NODAL: variants seen among roughly 807,000 people sequenced by gnomAD.
NODAL encodes the protein nodal growth differentiation factor.
In NODAL, 12 loss-of-function variants were observed where a neutral mutation model predicts 34.0. That is an observed-to-expected ratio of 0.35 (90% confidence interval 0.23 to 0.57). The LOEUF is 0.57. Ranked by LOEUF, NODAL falls within the 20% of genes least tolerant of loss-of-function variation. The pLI is 0.83. For synonymous variants in NODAL, 162 were observed against 186.4 expected (o/e 0.87, Z 1.07); for missense variants, 390 against 444.2 (o/e 0.88, Z 1.10).
intron 1 of NODAL, among the ~76,000 whole-genome samples, chr10:70,439,053 C>G (rs1017029746): frequency 4.6e-5 from 7 of 152,036 alleles, no homozygotes; most frequent in Admixed American, 3.9e-4. Flanking sequence ...TGGCCAGGCT[C>G]GAGTGCAGTG....
chr10:70,434,986 A>C, intron 2 of NODAL: 1 of 389,694 alleles, frequency 2.6e-6, no homozygotes, highest in Admixed American at 3.9e-5. Context: ...TGTCAGGGCT[A>C]GGGAAGTGCT....
chr10:70,440,173 A>G (rs1845409924), intron 1 of NODAL, among the ~76,000 whole-genome samples: 1 of 152,224 alleles, frequency 6.6e-6, no homozygotes, highest in Non-Finnish European at 1.5e-5. Flanking sequence ...GCCAGGGACA[A>G]CAGGGAATCA....
In NODAL at chr10:70,432,807, C is replaced by A; in HGVS notation, c.*129G>T. Reference sequence around the variant, plus strand: ...TACAGAGTGGGCAGCCCCTCCTCTTCAGTTCTGGTGGGCAGAGCAACTTTG... The same window carrying A: ...TACAGAGTGGGCAGCCCCTCCTCTTAAGTTCTGGTGGGCAGAGCAACTTTG... On this transcript the variant is annotated 3_prime_UTR_variant, in exon 3 of 3. Transcript: ENST00000287139. 9.3e-7 allele frequency: 1 copy of A among 1,076,632 alleles called. No homozygotes were observed. The highest frequency in any genetic ancestry group is 1.4e-6 in the Non-Finnish European group (1 of 706,094). The allele number at this position is 1,076,632 out of a possible 1,614,324, so 66.7% of individuals were successfully genotyped here. A position where few individuals can be genotyped will look rare whatever the true frequency, so the allele number is the denominator to read the frequency against.
At chr10:70,443,088 A>T (rs921255381), upstream of NODAL, among the ~76,000 whole-genome samples, 2 of 148,530 alleles carry the variant, frequency 1.3e-5, no homozygotes, top group Admixed American at 6.7e-5. Context: ...CCCTGTCTCA[A>T]AAAACAAAAC....
At chr10:70,440,078 A>AAAAC (rs564621510) in intron 1 of NODAL, among the ~76,000 whole-genome samples, 2 of 152,218 alleles carry the variant, frequency 1.3e-5, no homozygotes, top group African/African-American at 4.8e-5. Flanking sequence ...TTTCAAAGAA[A>AAAAC]AAACAAACAA....
chr10:70,437,784 C>G (rs1210539057), intron 1 of NODAL, among the ~76,000 whole-genome samples: 2 of 152,152 alleles, frequency 1.3e-5, no homozygotes, highest in Non-Finnish European at 2.9e-5. Flanking sequence ...AAAGGGGTCA[C>G]TCCCAATCTC....
chr10:70,436,704 A>T (rs1419704608), intron 1 of NODAL: 1 of 152,834 alleles, frequency 6.5e-6, no homozygotes, highest in Non-Finnish European at 1.5e-5. Context: ...AGTTCCTAAG[A>T]GTTTTTGGCA....
At chr10:70,439,372 C>T (rs1235585654) in intron 1 of NODAL, among the ~76,000 whole-genome samples, 1 of 152,172 alleles carries the variant, frequency 6.6e-6, no homozygotes, top group East Asian at 1.9e-4. Context: ...CACCGCCGTC[C>T]CCAGACAGGG....
upstream of NODAL, among the ~76,000 whole-genome samples, chr10:70,445,376 G>A (rs537048733): frequency 3.3e-5 from 5 of 152,144 alleles, no homozygotes; most frequent in Non-Finnish European, 5.9e-5. Flanking sequence ...TCCTGCCTCA[G>A]TATCCTGAAT....
intron 2 of NODAL, 118 bp downstream of exon 2, chr10:70,435,168 A>G: frequency 1.1e-6 from 1 of 887,942 alleles, no homozygotes; most frequent in Non-Finnish European, 1.8e-6. Context: ...ATCCTGGTAC[A>G]TTGGAGGTGC....
chr10:70,435,093 C>A, intron 2 of NODAL, 193 bp downstream of exon 2: 1 of 607,476 alleles, frequency 1.6e-6, no homozygotes, highest in South Asian at 1.9e-5. Context: ...TGACGCATGA[C>A]CCCATACAGG....
chr10:70,443,577 C>T (rs193122122), upstream of NODAL, among the ~76,000 whole-genome samples: 1 of 152,020 alleles, frequency 6.6e-6, no homozygotes. Context: ...CAGTGGCTCA[C>T]GCCTGTAATC....
At chr10:70,447,349 C>T (rs1205773033) in intron 1 of NODAL, among the ~76,000 whole-genome samples, 1 of 152,048 alleles carries the variant, frequency 6.6e-6, no homozygotes, top group Non-Finnish European at 1.5e-5. Context: ...GCTGGGATTA[C>T]AGGCATGAGC....
chr10:70,434,090 T>C (rs999178794), intron 2 of NODAL, among the ~76,000 whole-genome samples: 1 of 152,180 alleles, frequency 6.6e-6, no homozygotes. Flanking sequence ...CCAGAGACCC[T>C]GAATCCCGCC....
chr10:70,442,601 G>C (rs139674356), upstream of NODAL, among the ~76,000 whole-genome samples: 179 of 152,296 alleles, frequency 1.2e-3, no homozygotes, highest in African/African-American at 4.2e-3. Context: ...CCCTGCCCCA[G>C]TGTCTGGCCC....
At position 70,435,380 on chromosome 10, in the gene NODAL, A is replaced by G. The variant is rs1256058819; in HGVS notation, c.797T>C (p.Ile266Thr). The G allele has an allele frequency of 6.2e-7, 1 of 1,614,138 alleles. No homozygotes were observed. Among genetic ancestry groups the G allele is most frequent in the Non-Finnish European group, 8.5e-7 (1 of 1,180,020 alleles). ...FNLIGWGSWI[I>T]YPKQYNAYRC... Reference sequence around the variant, plus strand: ...ATAGGCGTTGTACTGCTTGGGGTAGATGATCCAGGAGCCCCATCCGATCAG... The same window carrying G: ...ATAGGCGTTGTACTGCTTGGGGTAGGTGATCCAGGAGCCCCATCCGATCAG... Residue 266 changes from isoleucine (I) to threonine (T), a missense_variant, in exon 2 of 3, where the codon ATC (isoleucine) becomes ACC (threonine). Physicochemically the swap from Ile to Thr is moderately conservative, Grantham distance 89 (BLOSUM62 -1). Transcript: ENST00000287139.
chr10:70,432,508 G>T lies in NODAL; in HGVS notation c.*428C>A. ...CCTTAATCTTTGGGGAGGGGGACAG[G>T]TCACACACAGACTACTTTGGAGAAT... On this transcript the variant is annotated 3_prime_UTR_variant, in exon 3 of 3. Transcript: ENST00000287139. 1 of 300,112 alleles carries T rather than the reference G, an allele frequency of 3.3e-6. No homozygotes were observed. Among genetic ancestry groups the T allele is most frequent in the African/African-American group, 2.2e-5 (1 of 46,186 alleles). 18.6% of individuals were successfully genotyped at this position (300,112 alleles called of 1,614,324 possible). A position where few individuals can be genotyped will look rare whatever the true frequency, so the allele number is the denominator to read the frequency against.
rs1359498849 is a variant in NODAL at position 70,441,560 on chromosome 10, C to T, written c.108G>A (p.Ser36=). ...GCATGTACGCCAGAGGGGATGGCGA[C>T]GAGGGCTGCCCCCGCGTACGCAGGA... ...TALLRTRGQP[S]SPSPLAYMLS... is the part of the protein sequence containing the mutation. Residue 36 remains serine, a synonymous_variant, in exon 1 of 3, where the codon TCG becomes TCA. Transcript: ENST00000287139. 6.3e-7 allele frequency: 1 copy of T among 1,581,308 alleles called. No homozygotes were observed. Among genetic ancestry groups the T allele is most frequent in the Non-Finnish European group, 8.6e-7 (1 of 1,165,360 alleles).
At chr10:70,434,703 C>A (rs542269963) in intron 2 of NODAL, 2 of 155,682 alleles carry the variant, frequency 1.3e-5, no homozygotes, top group East Asian at 3.8e-4. Flanking sequence ...CAATTCTCAA[C>A]CAAAATACTG....
Sources: gnomAD v4.1 joint callset for allele counts (sites outside exome capture counted in the v4.1 genomes callset) on GRCh38, gnomAD v4.1.1 for gene constraint, MANE v1.5 for transcripts, NCBI Gene and HGNC (gene_info 2026-07-23, HGNC 2026-07-21) for gene names.